Variants in TG observed in about 807,000 individuals in gnomAD.
The protein encoded by TG is thyroglobulin, also known as thyroid hormones.
Under a neutral mutation model 324.7 loss-of-function variants are expected in TG, and 270 were observed. The ratio of observed to expected loss-of-function variants is 0.83; its 90% CI spans 0.75 to 0.92. The LOEUF is 0.92. Among genes scored for constraint, TG ranks in the 40% least tolerant of loss-of-function variants. The pLI is 0.00. For missense variants in TG, 3,591 were observed against 3,456.4 expected, an observed-to-expected ratio of 1.04 and a Z score of -0.98; for synonymous variants, 1,401 against 1,327.0, an observed-to-expected ratio of 1.06 and a Z score of -1.21.
rs148440690 is a variant in TG at position 132,906,719 on chromosome 8, G to A, written c.3666G>A (p.Ser1222=). 1.4e-4 allele frequency: 223 copies of A among 1,614,228 alleles called. 1 individual carries two copies. The highest frequency in any genetic ancestry group is 1.7e-4 in the Non-Finnish European group (197 of 1,180,050). ...SPRCPLPFNA[S]EVVGGTILCE... ...GGTGTCCGCTGCCATTCAACGCGTC[G>A]GAGGTGGTTGGTGGAACAATCCTGT... is the stretch of plus-strand genomic sequence containing the variant. The change falls in exon 17 of 48, where the codon TCG becomes TCA. Residue 1222 remains serine (S), a synonymous_variant. Transcript: ENST00000220616.
intron 25 of TG, among the ~76,000 whole-genome samples, chr8:132,938,288 A>G (rs960236321): frequency 2.6e-5 from 4 of 152,088 alleles, no homozygotes; most frequent in Admixed American, 6.6e-5. Context: ...CTGTCACCCA[A>G]TACCCTCTGC....
intron 41 of TG, among the ~76,000 whole-genome samples, chr8:133,067,237 A>G (rs183386073): frequency 6.6e-6 from 1 of 152,270 alleles, no homozygotes; most frequent in East Asian, 1.9e-4. Flanking sequence ...CCCGTGACCC[A>G]CATAGTCCCC....
At chr8:133,097,197 C>T (rs747789951) in intron 43 of TG, among the ~76,000 whole-genome samples, 5 of 152,186 alleles carry the variant, frequency 3.3e-5, no homozygotes, top group Admixed American at 6.5e-5. Context: ...GCAGTCTAAC[C>T]GGAATTTTAT....
At chr8:133,096,488 C>A in intron 43 of TG, 115 bp downstream of exon 43, 4 of 1,286,734 alleles carry the variant, frequency 3.1e-6, no homozygotes, top group South Asian at 1.3e-5. Flanking sequence ...CTACTGTGTG[C>A]AATGCCTATG....
intron 45 of TG, among the ~76,000 whole-genome samples, chr8:133,120,114 A>G (rs1015321589): frequency 6.6e-6 from 1 of 152,114 alleles, no homozygotes; most frequent in Non-Finnish European, 1.5e-5. Flanking sequence ...GCTCTCAGGA[A>G]TCCACCCTCA....
chr8:132,998,942 G>A (rs546873794), intron 35 of TG, among the ~76,000 whole-genome samples: 1 of 152,282 alleles, frequency 6.6e-6, no homozygotes, highest in South Asian at 2.1e-4. Context: ...ATTTGGAGTG[G>A]CAATGGGCTT....
At chr8:132,966,785 A>C in intron 30 of TG, 88 bp downstream of exon 30, 1 of 1,554,760 alleles carries the variant, frequency 6.4e-7, no homozygotes, top group Non-Finnish European at 8.8e-7. Flanking sequence ...AGACACAGAT[A>C]AGGCCAAATT....
chr8:132,923,191 C>T (rs1821349312), intron 21 of TG, 147 bp from the exon 22 acceptor site: 1 of 914,080 alleles, frequency 1.1e-6, no homozygotes, highest in Non-Finnish European at 1.7e-6. Context: ...TTGATCAGAA[C>T]AGTGGGAACA....
intron 32 of TG, among the ~76,000 whole-genome samples, chr8:132,970,191 C>A (rs1829305006): frequency 6.6e-6 from 1 of 151,938 alleles, no homozygotes; most frequent in Non-Finnish European, 1.5e-5. Flanking sequence ...GACTCATATA[C>A]ATATAAATAA....
rs143311240 is a variant in TG, at chr8:132,941,427, C to T, written c.5118C>T (p.Asn1706=). The change falls in exon 26 of 48, where the codon AAC becomes AAT. Residue 1706 remains asparagine (N), a synonymous_variant. Transcript: ENST00000220616. The part of the protein sequence containing the change: ...GFQNMLSGLY[N]PIVFSASGAN... Reference sequence around the variant, plus strand: ...AAAACATGCTTTCTGGATTGTACAACCCCATTGTGTTCTCAGCCTCAGGAG... The same window carrying T: ...AAAACATGCTTTCTGGATTGTACAATCCCATTGTGTTCTCAGCCTCAGGAG... 1 of 1,614,246 alleles carries T rather than the reference C, an allele frequency of 6.2e-7. No homozygotes were observed. The highest frequency in any genetic ancestry group is 8.5e-7 in the Non-Finnish European group (1 of 1,180,050).
At chr8:132,909,806 C>T (rs1819246328) in intron 18 of TG, among the ~76,000 whole-genome samples, 2 of 152,140 alleles carry the variant, frequency 1.3e-5, no homozygotes, top group Admixed American at 1.3e-4. Context: ...TCTCTTTATC[C>T]TCTGCTGAGA....
At chr8:133,076,616 G>A (rs1386020422) in intron 41 of TG, 1 of 152,164 alleles carries the variant, frequency 6.6e-6, no homozygotes, top group Non-Finnish European at 1.5e-5. Flanking sequence ...CTGATAGTCA[G>A]AGGTATGAGT....
At chr8:132,980,825 T>TTA (rs373825449) in intron 34 of TG, among the ~76,000 whole-genome samples, 1 of 151,800 alleles carries the variant, frequency 6.6e-6, no homozygotes, top group Non-Finnish European at 1.5e-5. Flanking sequence ...ATGTTGTGAG[T>TTA]AAAAATAGCT....
chr8:132,910,586 TAA>T (rs1819374192), intron 18 of TG, among the ~76,000 whole-genome samples: 1 of 119,572 alleles, frequency 8.4e-6, no homozygotes, highest in South Asian at 2.9e-4. Flanking sequence ...AGTGTCCTTA[TAA>T]AAGAGACCCA....
rs765209130 is a variant in TG, at chr8:132,941,463, C to T, written c.5154C>T (p.Thr1718=). The change falls in exon 26 of 48, where the codon ACC becomes ACT. Residue 1718 remains threonine (T), a synonymous_variant. Transcript: ENST00000220616. ...IVFSASGANL[T]DAHLFCLLAC... ...TCTCAGCCTCAGGAGCCAATCTAAC[C>T]GATGCTCACCTCTTCTGTCTTCTTG... The T allele has an allele frequency of 3.7e-5, 59 of 1,614,056 alleles. No individual in the cohort carries two copies. Among genetic ancestry groups the T allele is most frequent in the Middle Eastern group, 1.6e-4 (1 of 6,084 alleles).
chr8:133,093,925 T>C (rs963423791), intron 41 of TG, among the ~76,000 whole-genome samples: 5 of 152,198 alleles, frequency 3.3e-5, no homozygotes, highest in African/African-American at 1.2e-4. Context: ...TTGAGTGAGT[T>C]TGTCGGAGCC....
intron 41 of TG, among the ~76,000 whole-genome samples, chr8:133,052,378 G>C (rs73708822): frequency 0.024 from 3,580 of 152,280 alleles, 121 homozygotes; most frequent in African/African-American, 0.079. Flanking sequence ...AAGAGTTTCT[G>C]GGTGTAAGAC....
At chr8:133,010,332 T>C (rs1834397273) in intron 35 of TG, among the ~76,000 whole-genome samples, 1 of 152,228 alleles carries the variant, frequency 6.6e-6, no homozygotes, top group African/African-American at 2.4e-5. Flanking sequence ...GAATATGGTT[T>C]GTAAACTTCA....
chr8:132,983,433 T>A, intron 35 of TG, 21 bp downstream of exon 35: 2 of 1,609,754 alleles, frequency 1.2e-6, no homozygotes, highest in African/African-American at 2.7e-5. Flanking sequence ...TGTCTTTTTA[T>A]CTCTTGGATG....
Sources: gnomAD v4.1 joint callset for allele counts (sites outside exome capture counted in the v4.1 genomes callset) on GRCh38, gnomAD v4.1.1 for gene constraint, MANE v1.5 for transcripts, NCBI Gene and HGNC (gene_info 2026-07-23, HGNC 2026-07-21) for gene names.